BCR: variants seen among roughly 807,000 people sequenced by gnomAD.
BCR encodes the protein BCR activator of RhoGEF and GTPase.
A neutral mutation model predicts 138.6 loss-of-function variants in BCR; 58 were observed. That is an observed-to-expected ratio of 0.42 (90% CI 0.34 to 0.52). The LOEUF is 0.52. Among genes scored for constraint, BCR ranks in the 20% least tolerant of loss-of-function variants. The pLI is 0.06. For missense variants in BCR, 1,599 were observed against 1,727.2 expected, an observed-to-expected ratio of 0.93 and a Z score of 1.32; for synonymous variants, 786 against 730.1, an observed-to-expected ratio of 1.08 and a Z score of -1.23.
At chr22:23,192,371 A>C (rs545061472) in intron 1 of BCR, among the ~76,000 whole-genome samples, 1 of 152,314 alleles carries the variant, frequency 6.6e-6, no homozygotes, top group East Asian at 1.9e-4. Flanking sequence ...GCGGAGGTGG[A>C]GGAGACCTGG....
intron 1 of BCR, among the ~76,000 whole-genome samples, chr22:23,230,805 A>C (rs901918784): frequency 5.9e-5 from 9 of 152,296 alleles, no homozygotes; most frequent in African/African-American, 1.9e-4. Context: ...CCTGCATGCC[A>C]GGCCTCACTT....
At chr22:23,291,404 C>G (rs769544611) in intron 14 of BCR, among the ~76,000 whole-genome samples, 1 of 151,870 alleles carries the variant, frequency 6.6e-6, no homozygotes, top group Non-Finnish European at 1.5e-5. Context: ...ATTCTTTAAA[C>G]CCTACACTTG....
chr22:23,273,735 C>T lies in BCR; in HGVS notation c.2076C>T (p.Ile692=). 6.2e-7 allele frequency: 1 copy of T among 1,614,156 alleles called. No individual in the cohort carries two copies. The highest frequency in any genetic ancestry group is 8.5e-7 in the Non-Finnish European group (1 of 1,180,042). The part of the protein sequence containing the change: ...QNFLSSINEE[I]TPRRQSMTVK... ...TCCTGTCCAGCATCAATGAGGAGATCACACCCCGACGGCAGTCCATGACGG... is the reference window on the plus strand; with the variant it reads ...TCCTGTCCAGCATCAATGAGGAGATTACACCCCGACGGCAGTCCATGACGG... The change falls in exon 8 of 23, where the codon ATC becomes ATT. Residue 692 remains isoleucine, a synonymous_variant. Transcript: ENST00000305877.
At chr22:23,188,354 C>G (rs888935412) in intron 1 of BCR, among the ~76,000 whole-genome samples, 3 of 152,220 alleles carry the variant, frequency 2.0e-5, no homozygotes, top group African/African-American at 7.2e-5. Context: ...TTCAGGGGAG[C>G]ATGCCTTATC....
rs2330346 is a variant in BCR, at chr22:23,226,323, A to T, written c.1280-27476A>T. 3.1e-4 allele frequency among the ~76,000 whole-genome samples: 16 copies of T among 51,678 alleles called. 1 individual carries two copies. Among genetic ancestry groups the T allele is most frequent in the African/African-American group, 1.0e-3 (14 of 13,924 alleles). 33.9% of individuals were successfully genotyped at this position (51,678 alleles called of 152,430 possible). On this transcript the variant is annotated intron_variant, in intron 1 of 22. Coordinates refer to ENST00000305877, the MANE Select transcript of BCR (RefSeq NM_004327.4). ...AAGTGTATGAGAGAGAGAGAGAGAG[A>T]GAGAGTGTGTGTGTGTGTGTGTGTG...
At chr22:23,313,703 A>G (rs964807765) in intron 20 of BCR, among the ~76,000 whole-genome samples, 1 of 152,152 alleles carries the variant, frequency 6.6e-6, no homozygotes, top group Non-Finnish European at 1.5e-5. Flanking sequence ...AGCTCTGCCC[A>G]TGAGCAGCTG....
intron 1 of BCR, among the ~76,000 whole-genome samples, chr22:23,213,651 C>A (rs749436470): frequency 6.6e-6 from 1 of 151,928 alleles, no homozygotes; most frequent in African/African-American, 2.4e-5. Context: ...AGTGAGAGCT[C>A]GTCTCTCCAA....
chr22:23,217,547 C>G (rs999111619), intron 1 of BCR, among the ~76,000 whole-genome samples: 1 of 152,140 alleles, frequency 6.6e-6, no homozygotes, highest in African/African-American at 2.4e-5. Context: ...CAAGAGCTGA[C>G]CATACTTATG....
chr22:23,290,933 C>T lies in BCR; in HGVS notation c.2782+520C>T, dbSNP rs549839000. On this transcript the variant is annotated intron_variant, in intron 14 of 22. Transcript: ENST00000305877. ...ACTGTGTAAGTTTCTCGAGGCCGGGCGCAGTGGCTCATGCCTGTAATCCCA... is the reference window on the plus strand; with the variant it reads ...ACTGTGTAAGTTTCTCGAGGCCGGGTGCAGTGGCTCATGCCTGTAATCCCA... 14 of 161,274 alleles carry T rather than the reference C, an allele frequency of 8.7e-5. No individual in the cohort carries two copies. In the South Asian group the frequency reaches 1.1e-3, roughly 12 times the overall value. 10.0% of individuals were successfully genotyped at this position (161,274 alleles called of 1,614,324 possible). A position where few individuals can be genotyped will look rare whatever the true frequency, so the allele number is the denominator to read the frequency against.
intron 1 of BCR, among the ~76,000 whole-genome samples, chr22:23,224,323 G>C (rs911915957): frequency 3.3e-5 from 5 of 152,194 alleles, no homozygotes; most frequent in African/African-American, 1.2e-4. Flanking sequence ...GGTGATGGCT[G>C]CTTTCTAACT....
chr22:23,187,579 C>G (rs1177396648), intron 1 of BCR, among the ~76,000 whole-genome samples: 2 of 151,852 alleles, frequency 1.3e-5, no homozygotes, highest in Admixed American at 6.6e-5. Flanking sequence ...AGCAATCTAC[C>G]CACCTCAGCC....
At chr22:23,309,049 C>G (rs559452168) in intron 16 of BCR, among the ~76,000 whole-genome samples, 207 of 152,292 alleles carry the variant, frequency 1.4e-3, no homozygotes, top group African/African-American at 4.8e-3. Flanking sequence ...GGATGCCAGG[C>G]CCCCAGGAGT....
chr22:23,192,055 A>G (rs1396267365), intron 1 of BCR, among the ~76,000 whole-genome samples: 4 of 152,352 alleles, frequency 2.6e-5, no homozygotes, highest in East Asian at 3.9e-4. Context: ...GCCCATGGGC[A>G]GAGCAATCAG....
At chr22:23,263,803 C>T in intron 4 of BCR, 2 of 1,335,028 alleles carry the variant, frequency 1.5e-6, no homozygotes, top group African/African-American at 1.4e-5. Flanking sequence ...AAGGTGTGGC[C>T]TTTGGCCTCA....
At chr22:23,264,013 A>G in intron 4 of BCR, 1 of 894,810 alleles carries the variant, frequency 1.1e-6, no homozygotes, top group Non-Finnish European at 1.9e-6. Flanking sequence ...GGGGTGCTGG[A>G]TGTCATATAT....
rs2072261374 is a variant in BCR at position 23,181,550 on chromosome 22, C to T, written c.590C>T (p.Ser197Leu). 6.2e-7 allele frequency: 1 copy of T among 1,612,974 alleles called. No individual in the cohort carries two copies. The highest frequency in any genetic ancestry group is 8.5e-7 in the Non-Finnish European group (1 of 1,179,990). The stretch of plus-strand genomic sequence containing the variant: ...GTGAAGGTCAACGACAAAGAGGTGT[C>T]GGACCGCATCAGCTCCCTGGGCAGC... Reference protein sequence around the residue: ...GLVKVNDKEVSDRISSLGSQA... With the variant: ...GLVKVNDKEVLDRISSLGSQA... The change falls in exon 1 of 23, where the codon TCG becomes TTG. Residue 197 changes from serine to leucine, a missense_variant. Coordinates refer to ENST00000305877, the MANE Select transcript of BCR (RefSeq NM_004327.4).
chr22:23,289,862 A>G (rs2073764290), intron 13 of BCR: 4 of 565,722 alleles, frequency 7.1e-6, no homozygotes, highest in Non-Finnish European at 1.3e-5. Flanking sequence ...TTCTGTTCCT[A>G]GTCACAAGGC....
chr22:23,270,402 G>A lies in BCR; in HGVS notation c.1861-1130G>A, dbSNP rs142572020. Among the ~76,000 whole-genome samples the A allele has an allele frequency of 2.3e-3, 351 of 152,308 alleles. 1 individual carries two copies. The highest frequency in any genetic ancestry group is 8.1e-3 in the African/African-American group (336 of 41,562). On this transcript the variant is annotated intron_variant, in intron 5 of 22. Transcript: ENST00000305877. Reference sequence around the variant, plus strand: ...AAGTTTTCTTGAGGCAGGTTTTCCTGGAGCTCCTAGATAACTCCCAAGCAT... The same window carrying A: ...AAGTTTTCTTGAGGCAGGTTTTCCTAGAGCTCCTAGATAACTCCCAAGCAT...
intron 4 of BCR, chr22:23,262,990 T>C (rs2073385514): frequency 1.1e-6 from 1 of 881,776 alleles, no homozygotes; most frequent in Non-Finnish European, 1.5e-6. Flanking sequence ...GAGGGGAGCG[T>C]AGGGGCCGGG....
Sources: allele counts gnomAD v4.1 joint callset (sites outside exome capture counted in the v4.1 genomes callset), GRCh38; gene constraint gnomAD v4.1.1; transcripts MANE v1.5; gene names NCBI Gene and HGNC (gene_info 2026-07-23, HGNC 2026-07-21).